PRKCE: variants seen among roughly 807,000 people sequenced by gnomAD.
The protein encoded by PRKCE is protein kinase C epsilon type.
A neutral mutation model predicts 85.4 loss-of-function variants in PRKCE; 16 were observed. The observed-to-expected ratio is 0.19, with a 90% confidence interval of 0.13 to 0.28. The LOEUF is 0.28. Ranked by LOEUF, PRKCE falls within the 10% of genes least tolerant of loss-of-function variation. PRKCE has a pLI of 1.00. For synonymous variants in PRKCE, 388 were observed against 371.5 expected (o/e 1.04, Z -0.51); for missense variants, 573 against 975.2 (o/e 0.59, Z 5.49).
intron 2 of PRKCE, among the ~76,000 whole-genome samples, chr2:45,893,359 T>TTTC (rs1558803321): frequency 2.6e-4 from 38 of 145,212 alleles, no homozygotes; most frequent in South Asian, 2.3e-3. Context: ...TTTTCTTTTT[T>TTTC]TTTTTTTTTT....
intron 1 of PRKCE, chr2:45,840,251 A>G (rs1000382058): frequency 6.6e-6 from 1 of 152,184 alleles, no homozygotes; most frequent in Non-Finnish European, 1.5e-5. Flanking sequence ...AAAGGCATAC[A>G]TTATTTAAAT....
At chr2:46,026,938 A>C (rs1372717475) in intron 10 of PRKCE, among the ~76,000 whole-genome samples, 1 of 152,194 alleles carries the variant, frequency 6.6e-6, no homozygotes, top group Non-Finnish European at 1.5e-5. Flanking sequence ...CTGTAGTCCC[A>C]ACATTGGGAG....
At chr2:45,732,911 G>A (rs1681704333) in intron 1 of PRKCE, among the ~76,000 whole-genome samples, 1 of 152,174 alleles carries the variant, frequency 6.6e-6, no homozygotes, top group African/African-American at 2.4e-5. Flanking sequence ...TATAATTAAT[G>A]GATGTCCTAG....
At chr2:45,829,149 A>T (rs1289770672) in intron 1 of PRKCE, among the ~76,000 whole-genome samples, 1 of 152,216 alleles carries the variant, frequency 6.6e-6, no homozygotes, top group African/African-American at 2.4e-5. Context: ...TGTAATGATT[A>T]TTCTTATAGT....
At chr2:45,749,209 G>C (rs1683362045) in intron 1 of PRKCE, among the ~76,000 whole-genome samples, 1 of 152,166 alleles carries the variant, frequency 6.6e-6, no homozygotes, top group Non-Finnish European at 1.5e-5. Flanking sequence ...ATTTTAATGG[G>C]TTCTTGAACC....
intron 1 of PRKCE, among the ~76,000 whole-genome samples, chr2:45,812,815 T>C (rs573320257): frequency 1.3e-5 from 2 of 152,354 alleles, no homozygotes; most frequent in African/African-American, 2.4e-5. Flanking sequence ...CATTGTTCTC[T>C]GCTCTTGCAT....
At chr2:46,146,718 G>A (rs564625656) in intron 12 of PRKCE, among the ~76,000 whole-genome samples, 7 of 152,260 alleles carry the variant, frequency 4.6e-5, no homozygotes, top group South Asian at 2.1e-4. Flanking sequence ...GCCAGGATCC[G>A]GCACACAAAT....
chr2:45,700,628 G>T (rs1003874092), intron 1 of PRKCE: 1 of 152,132 alleles, frequency 6.6e-6, no homozygotes, highest in African/African-American at 2.4e-5. Context: ...TGACCTTGAG[G>T]TCATCACCCT....
rs1671669218 is a variant in PRKCE, at chr2:46,105,888, C to T, written c.1592+19526C>T. On this transcript the variant is annotated intron_variant, in intron 11 of 14. Transcript: ENST00000306156. ...CATCATTACATTCATTTACATTTTT[C>T]ATGACTGCAAATGGCACCAGGTATG... Among the ~76,000 whole-genome samples, 3 of 152,198 alleles carry T rather than the reference C, an allele frequency of 2.0e-5. No individual in the cohort carries two copies. The South Asian group carries it at 6.2e-4, about 31-fold the overall frequency.
intron 6 of PRKCE, among the ~76,000 whole-genome samples, chr2:45,998,179 G>T (rs1346153766): frequency 6.6e-6 from 1 of 151,664 alleles, no homozygotes; most frequent in African/African-American, 2.4e-5. Context: ...TAATGTTGCT[G>T]TTGATTCAGT....
intron 11 of PRKCE, among the ~76,000 whole-genome samples, chr2:46,122,840 C>T (rs919786662): frequency 6.9e-5 from 10 of 145,966 alleles, no homozygotes; most frequent in South Asian, 2.2e-4. Flanking sequence ...GAAGTGGGGG[C>T]GCAGTGTTGA....
chr2:46,165,255 C>T (rs1174998289), intron 14 of PRKCE, among the ~76,000 whole-genome samples: 6 of 152,230 alleles, frequency 3.9e-5, no homozygotes, highest in African/African-American at 7.2e-5. Context: ...CTCCCTCCTC[C>T]ACTTTCCCTT....
chr2:45,723,483 T>C (rs922801232), intron 1 of PRKCE, among the ~76,000 whole-genome samples: 3 of 152,152 alleles, frequency 2.0e-5, no homozygotes, highest in African/African-American at 7.2e-5. Flanking sequence ...TGGGACGGTG[T>C]TGCCCTTTTT....
At chr2:45,679,355 TCTTA>T (rs1397961450) in intron 1 of PRKCE, among the ~76,000 whole-genome samples, 1 of 152,236 alleles carries the variant, frequency 6.6e-6, no homozygotes, top group Non-Finnish European at 1.5e-5. Context: ...AAGCAATGTG[TCTTA>T]CTTCACTTTA....
At chr2:45,816,556 A>C (rs1346830835) in intron 1 of PRKCE, among the ~76,000 whole-genome samples, 1 of 152,156 alleles carries the variant, frequency 6.6e-6, no homozygotes, top group Admixed American at 6.5e-5. Flanking sequence ...CTTCTTGTGA[A>C]ACTCCTGGAT....
In PRKCE at chr2:45,786,105, T is replaced by C. The variant is rs572044642; in HGVS notation, c.349-56895T>C. Among the ~76,000 whole-genome samples, 47 of 152,286 alleles carry C rather than the reference T, an allele frequency of 3.1e-4. No individual in the cohort carries two copies. The highest frequency in any genetic ancestry group is 1.3e-3 in the Admixed American group (20 of 15,308). On this transcript the variant is annotated intron_variant, in intron 1 of 14. Transcript: ENST00000306156. This position sits in a 1 kb window ranked among gnomAD's most constrained non-coding sequence, Gnocchi z 5.3. ...CTCTCCAGGGACCTATGGCCTTCCA[T>C]AGGCACCTGCTGGGGATCTTTATTT... is the stretch of plus-strand genomic sequence containing the variant.
At chr2:45,684,617 A>G (rs1014633025) in intron 1 of PRKCE, among the ~76,000 whole-genome samples, 2 of 152,192 alleles carry the variant, frequency 1.3e-5, no homozygotes, top group African/African-American at 4.8e-5. Flanking sequence ...GTGGCATGTG[A>G]CCTACAGGGC....
chr2:45,803,929 C>T (rs1422760760), intron 1 of PRKCE, among the ~76,000 whole-genome samples: 1 of 152,178 alleles, frequency 6.6e-6, no homozygotes, highest in African/African-American at 2.4e-5. Flanking sequence ...ATGGGCAAAG[C>T]TGGAAGTCAG....
intron 2 of PRKCE, among the ~76,000 whole-genome samples, chr2:45,962,280 C>A (rs571852481): frequency 2.6e-5 from 4 of 152,314 alleles, no homozygotes; most frequent in African/African-American, 9.6e-5. Context: ...AGAATGTATA[C>A]CTATAAGAAA....
Sources: allele counts gnomAD v4.1 joint callset (sites outside exome capture counted in the v4.1 genomes callset), GRCh38; gene constraint gnomAD v4.1.1; non-coding constraint Gnocchi (gnomAD v3.1); transcripts MANE v1.5; gene names NCBI Gene and HGNC (gene_info 2026-07-23, HGNC 2026-07-21).